SLC30A8: variants seen among roughly 807,000 people sequenced by gnomAD.
SLC30A8 encodes the protein proton-coupled zinc antiporter SLC30A8.
A neutral mutation model predicts 36.9 loss-of-function variants in SLC30A8; 27 were observed. The observed-to-expected ratio is 0.73, with a 90% CI of 0.54 to 1.01. The LOEUF (loss-of-function observed/expected upper bound fraction) is 1.01. SLC30A8 is among the 50% of genes least tolerant of loss of function. The pLI is 0.00. For missense variants in SLC30A8, 439 were observed against 452.0 expected, an observed-to-expected ratio of 0.97 and a Z score of 0.26; for synonymous variants, 164 against 172.4, an observed-to-expected ratio of 0.95 and a Z score of 0.38.
intron 2 of SLC30A8, among the ~76,000 whole-genome samples, chr8:117,088,077 A>G (rs2130823549): frequency 6.6e-6 from 1 of 152,046 alleles, no homozygotes; most frequent in East Asian, 1.9e-4. Context: ...CAAGGGAAGG[A>G]GAGAGAGAGA....
At chr8:117,023,993 T>C (rs573992117) in intron 1 of SLC30A8, among the ~76,000 whole-genome samples, 151 of 152,366 alleles carry the variant, frequency 9.9e-4, no homozygotes, top group African/African-American at 3.5e-3. Context: ...AAATATTTGC[T>C]TTTTATTTTC....
chr8:117,050,711 A>AT (rs1278812325), intron 2 of SLC30A8, among the ~76,000 whole-genome samples: 3 of 152,016 alleles, frequency 2.0e-5, no homozygotes, highest in South Asian at 4.2e-4. Context: ...TGGCTGACTG[A>AT]TTTTTTACTA....
At chr8:117,073,950 T>C (rs1818413059) in intron 2 of SLC30A8, among the ~76,000 whole-genome samples, 1 of 142,016 alleles carries the variant, frequency 7.0e-6, no homozygotes, top group Admixed American at 8.0e-5. Flanking sequence ...TGAATTAAGG[T>C]AGATGGCATT....
intron 1 of SLC30A8, among the ~76,000 whole-genome samples, chr8:117,035,623 G>T (rs1053602405): frequency 3.9e-5 from 6 of 152,224 alleles, no homozygotes; most frequent in African/African-American, 1.4e-4. Context: ...CCCCAGTGAG[G>T]ACTCTGTGTG....
chr8:116,958,021 T>G (rs1460615595), intron 1 of SLC30A8, among the ~76,000 whole-genome samples: 1 of 152,348 alleles, frequency 6.6e-6, no homozygotes, highest in South Asian at 2.1e-4. Flanking sequence ...TGACTGTGCC[T>G]ATCTCCTTTG....
At chr8:116,970,860 C>T (rs573358764) in intron 1 of SLC30A8, among the ~76,000 whole-genome samples, 9 of 152,158 alleles carry the variant, frequency 5.9e-5, no homozygotes, top group Admixed American at 2.6e-4. Flanking sequence ...TTTGGGAGGC[C>T]GAGACAGGTG....
chr8:117,084,177 C>A (rs973232525), intron 2 of SLC30A8, among the ~76,000 whole-genome samples: 2 of 152,080 alleles, frequency 1.3e-5, no homozygotes, highest in Non-Finnish European at 2.9e-5. Flanking sequence ...GTGTTATTCT[C>A]CCAAAGCTAA....
intron 1 of SLC30A8, among the ~76,000 whole-genome samples, chr8:116,981,398 T>G (rs1815254373): frequency 6.6e-6 from 1 of 152,184 alleles, no homozygotes; most frequent in South Asian, 2.1e-4. Context: ...GGAGGAGAAG[T>G]CAGTCCTACT....
chr8:117,064,003 CTT>C (rs35344529), intron 2 of SLC30A8, among the ~76,000 whole-genome samples: 4 of 145,412 alleles, frequency 2.8e-5, no homozygotes, highest in Non-Finnish European at 6.1e-5. Flanking sequence ...GAAAAAAATC[CTT>C]TTTTTTTTTT....
intron 1 of SLC30A8, among the ~76,000 whole-genome samples, chr8:116,953,453 C>A (rs1313746841): frequency 6.6e-6 from 1 of 151,844 alleles, no homozygotes; most frequent in Non-Finnish European, 1.5e-5. Context: ...ATTATATTTT[C>A]TTCTTGTATA....
chr8:117,109,035 C>T (rs548417615), intron 2 of SLC30A8, among the ~76,000 whole-genome samples: 1 of 152,236 alleles, frequency 6.6e-6, no homozygotes, highest in South Asian at 2.1e-4. Context: ...GCCTGGAAAA[C>T]TCACAGAAAA....
At chr8:117,129,292 G>A (rs1354949390) in intron 2 of SLC30A8, among the ~76,000 whole-genome samples, 2 of 151,992 alleles carry the variant, frequency 1.3e-5, no homozygotes, top group African/African-American at 2.4e-5. Flanking sequence ...GGAGCCTTGT[G>A]TTTATTAAAA....
chr8:117,121,951 A>G (rs1820712123), intron 2 of SLC30A8, among the ~76,000 whole-genome samples: 2 of 152,094 alleles, frequency 1.3e-5, no homozygotes, highest in African/African-American at 4.8e-5. Flanking sequence ...ATACACTCAG[A>G]AAAATTTCTT....
At chr8:117,079,304 C>G (rs553925989) in intron 2 of SLC30A8, among the ~76,000 whole-genome samples, 1 of 152,264 alleles carries the variant, frequency 6.6e-6, no homozygotes, top group South Asian at 2.1e-4. Context: ...GCCACCACAC[C>G]CAGCCTGAAT....
chr8:117,015,310 A>T (rs1816480384), intron 1 of SLC30A8, among the ~76,000 whole-genome samples: 1 of 152,126 alleles, frequency 6.6e-6, no homozygotes, highest in Non-Finnish European at 1.5e-5. Context: ...AACTTAGCAA[A>T]CAGCCCATTC....
chr8:117,147,604 A>C (rs1192515686), intron 2 of SLC30A8: 1 of 157,802 alleles, frequency 6.3e-6, no homozygotes, highest in Non-Finnish European at 1.4e-5. Context: ...AAAATCTTGA[A>C]GAAAACTCTG....
chr8:117,118,202 C>CA (rs964967709), intron 2 of SLC30A8, among the ~76,000 whole-genome samples: 4 of 140,440 alleles, frequency 2.8e-5, no homozygotes, highest in East Asian at 2.1e-4. Context: ...AACCAAAAAA[C>CA]AAAAAACAAA....
At chr8:116,982,242 C>T (rs2130644994) in intron 1 of SLC30A8, among the ~76,000 whole-genome samples, 1 of 151,758 alleles carries the variant, frequency 6.6e-6, no homozygotes, top group Middle Eastern at 3.5e-3. Flanking sequence ...TCACTGTAAA[C>T]ATTTAGGTTG....
intron 2 of SLC30A8, among the ~76,000 whole-genome samples, chr8:117,040,020 G>C (rs1479127997): frequency 1.3e-5 from 2 of 152,180 alleles, no homozygotes; most frequent in East Asian, 1.9e-4. Context: ...CAAGTTCACT[G>C]TTTTTCTTCC....
Sources: gnomAD v4.1 joint callset for allele counts (sites outside exome capture counted in the v4.1 genomes callset) on GRCh38, gnomAD v4.1.1 for gene constraint, MANE v1.5 for transcripts, NCBI Gene and HGNC (gene_info 2026-07-23, HGNC 2026-07-21) for gene names.